The following PFKP variants were observed in gnomAD, a reference collection of about 807,000 sequenced individuals.
PFKP encodes ATP-dependent 6-phosphofructokinase, platelet type.
In PFKP, 101 loss-of-function variants were observed where a neutral mutation model predicts 94.3. The ratio of observed to expected loss-of-function variants is 1.07; its 90% CI spans 0.91 to 1.26. The LOEUF (loss-of-function observed/expected upper bound fraction) is 1.26, where lower values mean the gene tolerates loss of function less well. PFKP is among the 50% of genes most tolerant of loss of function. PFKP has a pLI of 0.00. For missense variants in PFKP, 1,145 were observed against 1,103.3 expected (o/e 1.04, Z -0.53); for synonymous variants, 573 against 432.6 (o/e 1.32, Z -4.03).
At chr10:3,089,471 G>C (rs1330750013) in intron 2 of PFKP, among the ~76,000 whole-genome samples, 2 of 152,024 alleles carry the variant, frequency 1.3e-5, no homozygotes, top group African/African-American at 2.4e-5. Flanking sequence ...CCAGCAGTGG[G>C]GCTGCTGGCT....
At position 3,136,595 on chromosome 10, in the gene PFKP, ATGT is replaced by A; in HGVS notation, c.*17_*19del. 1 of 1,612,606 alleles carries A rather than the reference ATGT, an allele frequency of 6.2e-7. No individual in the cohort carries two copies. The highest frequency in any genetic ancestry group is 8.5e-7 in the Non-Finnish European group (1 of 1,179,168). ...GAGTGTCTGACCCAGTCCCGCCTGC[ATGT>A]GCCTGCAGCCACCGTGGACTGTCTG... On this transcript the variant is annotated 3_prime_UTR_variant, in exon 22 of 22. Coordinates refer to ENST00000381125, the MANE Select transcript of PFKP (RefSeq NM_002627.5).
intron 16 of PFKP, among the ~76,000 whole-genome samples, chr10:3,121,625 A>G (rs376776310): frequency 4.8e-5 from 7 of 144,682 alleles, no homozygotes; most frequent in East Asian, 2.1e-4. Flanking sequence ...TAACAAATGC[A>G]TAGGGTCAAA....
intron 11 of PFKP, 148 bp from the exon 12 acceptor site, chr10:3,112,971 G>A: frequency 1.4e-6 from 1 of 709,480 alleles, no homozygotes; most frequent in Non-Finnish European, 2.4e-6. Flanking sequence ...GCTCTGCCAT[G>A]CACATGGAAC....
intron 13 of PFKP, 44 bp from the exon 14 acceptor site, chr10:3,116,730 CTT>C (rs1433493231): frequency 3.4e-6 from 5 of 1,455,406 alleles, no homozygotes; most frequent in Admixed American, 1.7e-5. Context: ...TGCAACTTGC[CTT>C]TCATTGTTCA....
chr10:3,093,367 C>T (rs897865161), intron 2 of PFKP, among the ~76,000 whole-genome samples: 2 of 152,224 alleles, frequency 1.3e-5, no homozygotes, highest in African/African-American at 4.8e-5. Context: ...GAAAACTACT[C>T]AACCACTCCA....
intron 18 of PFKP, among the ~76,000 whole-genome samples, chr10:3,132,890 A>C (rs770663135): frequency 7.0e-6 from 1 of 142,894 alleles, no homozygotes; most frequent in Non-Finnish European, 1.5e-5. Flanking sequence ...GGGCACAGGG[A>C]TGATTGACGT....
rs1450213717 is a variant in PFKP at position 3,129,828 on chromosome 10, CG to C, written c.1694del (p.Arg565ProfsTer58). On this transcript the variant is annotated frameshift_variant, in exon 17 of 22. Coordinates refer to ENST00000381125, the MANE Select transcript of PFKP (RefSeq NM_002627.5). LOFTEE classifies it high-confidence loss of function. ...GCTTCTCTGTGACCAGACCTGCGAC[CG>C]CATCAAGCAGTCCGCCAGCGGAACC... is the stretch of plus-strand genomic sequence containing the variant. Reference protein sequence around the residue: ...ALNTITDTCDRIKQSASGTKR... With the variant: ...ALNTITDTCDXIKQSASGTKR... 1.2e-6 allele frequency: 2 copies of C among 1,613,316 alleles called. No homozygotes were observed. Among genetic ancestry groups the C allele is most frequent in the African/African-American group, 2.7e-5 (2 of 74,924 alleles).
At chr10:3,124,152 C>T (rs904693879) in intron 16 of PFKP, among the ~76,000 whole-genome samples, 7 of 152,224 alleles carry the variant, frequency 4.6e-5, no homozygotes, top group African/African-American at 1.2e-4. Context: ...GCTCACTGTC[C>T]GACTCTCCCA....
intron 2 of PFKP, among the ~76,000 whole-genome samples, chr10:3,095,495 A>AG (rs1834410780): frequency 6.6e-6 from 1 of 152,230 alleles, no homozygotes; most frequent in African/African-American, 2.4e-5. Flanking sequence ...ACAGCCAACG[A>AG]GGAGCTCTAA....
chr10:3,110,229 C>A (rs1256958005), intron 10 of PFKP, among the ~76,000 whole-genome samples: 2 of 151,856 alleles, frequency 1.3e-5, no homozygotes, highest in East Asian at 3.8e-4. Context: ...GAGACGGAGT[C>A]TCACTGTTGC....
rs757271985 is a variant in PFKP at position 3,108,872 on chromosome 10, C to G, written c.963+79C>G. 3.9e-5 allele frequency: 41 copies of G among 1,049,346 alleles called. No homozygotes were observed. The Admixed American group carries it at 6.0e-4, about 15-fold the overall frequency. 65.0% of individuals were successfully genotyped at this position (1,049,346 alleles called of 1,614,324 possible). Reference sequence around the variant, plus strand: ...TGGAGAGGCACAGGCACCAGCCGGCCACAGAGGCTGGCAAGGTGCTCCCCG... The same window carrying G: ...TGGAGAGGCACAGGCACCAGCCGGCGACAGAGGCTGGCAAGGTGCTCCCCG... On this transcript the variant is annotated intron_variant, in intron 9 of 21. Coordinates refer to ENST00000381125, the MANE Select transcript of PFKP (RefSeq NM_002627.5).
At chr10:3,079,664 G>T (rs1031229056) in intron 1 of PFKP, among the ~76,000 whole-genome samples, 5 of 9,376 alleles carry the variant, frequency 5.3e-4, no homozygotes, top group African/African-American at 4.3e-3. Context: ...GAGCGGGGTG[G>T]GGGGGGGGGG....
At chr10:3,109,296 G>A in intron 9 of PFKP, 59 bp from the exon 10 acceptor site, 1 of 1,599,256 alleles carries the variant, frequency 6.3e-7, no homozygotes, top group Non-Finnish European at 8.5e-7. Context: ...AAGATAGGAG[G>A]TGACAGGGAC....
At chr10:3,130,188 C>T (rs1270339299) in intron 17 of PFKP, among the ~76,000 whole-genome samples, 2 of 151,846 alleles carry the variant, frequency 1.3e-5, no homozygotes, top group Non-Finnish European at 2.9e-5. Context: ...TTGAGGACAC[C>T]TTCTAGTCTC....
At chr10:3,073,485 C>G (rs1832349042) in intron 1 of PFKP, among the ~76,000 whole-genome samples, 1 of 151,752 alleles carries the variant, frequency 6.6e-6, no homozygotes, top group African/African-American at 2.4e-5. Context: ...GGCTCCGACT[C>G]TCACGGGGAG....
rs548833917 is a variant in PFKP at position 3,087,876 on chromosome 10, C to T, written c.186+5415C>T. Among the ~76,000 whole-genome samples the T allele has an allele frequency of 5.3e-5, 8 of 151,288 alleles. No homozygotes were observed. The South Asian group carries it at 1.7e-3, about 32-fold the overall frequency. Reference sequence around the variant, plus strand: ...CTCATGGACCCTCAGACCGCCAGGACTTTGTATGAGTGGTGGGTTCTATAA... The same window carrying T: ...CTCATGGACCCTCAGACCGCCAGGATTTTGTATGAGTGGTGGGTTCTATAA... On this transcript the variant is annotated intron_variant, in intron 2 of 21. Coordinates refer to ENST00000381125, the MANE Select transcript of PFKP (RefSeq NM_002627.5).
chr10:3,082,516 G>T (rs1192968393), intron 2 of PFKP, 55 bp downstream of exon 2: 3 of 1,307,202 alleles, frequency 2.3e-6, no homozygotes, highest in Non-Finnish European at 3.2e-6. Context: ...CCAGAGCCCT[G>T]CAGTCACCGG....
chr10:3,087,296 T>G lies in PFKP; in HGVS notation c.186+4835T>G, dbSNP rs796138927. Among the ~76,000 whole-genome samples the G allele has an allele frequency of 1.1e-4, 17 of 152,290 alleles. 1 individual carries two copies. Among genetic ancestry groups the G allele is most frequent in the Middle Eastern group, 6.8e-3 (2 of 294 alleles). ...GCTTTCTTGGGAGGTAAAACCCATA[T>G]GTTCTCTCTGTCTCAGCTGGGAGGG... On this transcript the variant is annotated intron_variant, in intron 2 of 21. Transcript: ENST00000381125.
rs770417789 is a variant in PFKP at position 3,105,435 on chromosome 10, G to A, written c.708G>A (p.Trp236Ter). 2.5e-6 allele frequency: 4 copies of A among 1,614,068 alleles called. No individual in the cohort carries two copies. In the South Asian group the frequency reaches 4.4e-5, roughly 18 times the overall value. Residue 236 changes from tryptophan to a stop codon, truncating the protein, a stop_gained, in exon 7 of 22, where the codon TGG becomes TGA. Coordinates refer to ENST00000381125, the MANE Select transcript of PFKP (RefSeq NM_002627.5). LOFTEE classifies it high-confidence loss of function. ...GTGCCTTGGCCTGCGGTGCGGACTG[G>A]GTGTTCCTTCCAGAATCTCCACCAG... Reference protein sequence around the residue: ...LVSALACGADWVFLPESPPEE... With the variant: ...LVSALACGAD
Sources: gnomAD v4.1 joint callset for allele counts (sites outside exome capture counted in the v4.1 genomes callset) on GRCh38, gnomAD v4.1.1 for gene constraint, MANE v1.5 for transcripts, NCBI Gene and HGNC (gene_info 2026-07-23, HGNC 2026-07-21) for gene names.